ZNF263: variants seen among roughly 807,000 people sequenced by gnomAD.
ZNF263 encodes zinc finger protein 263, also known as zinc finger protein FPM315.
In ZNF263, 49 loss-of-function variants were observed where a neutral mutation model predicts 63.1. That is an observed-to-expected ratio of 0.78 (90% CI 0.62 to 0.99). The LOEUF is 0.99. Among genes scored for constraint, ZNF263 ranks in the 50% least tolerant of loss-of-function variants. The pLI, the probability that ZNF263 is intolerant of heterozygous loss-of-function variation, is 0.00. For synonymous variants in ZNF263, 352 were observed against 324.2 expected (o/e 1.09, Z -0.92); for missense variants, 872 against 854.8 (o/e 1.02, Z -0.25).
intron 1 of ZNF263, among the ~76,000 whole-genome samples, chr16:3,297,024 G>A (rs1959764121): frequency 6.6e-6 from 1 of 152,086 alleles, no homozygotes; most frequent in Non-Finnish European, 1.5e-5. Flanking sequence ...AAATTCACAG[G>A]CCGGGCGCAG....
At chr16:3,292,959 CACTG>C (rs1470029637), downstream of ZNF263, 4 of 152,250 alleles carry the variant, frequency 2.6e-5, no homozygotes, top group Admixed American at 6.5e-5. Flanking sequence ...AAGCATCTAA[CACTG>C]ACTGAGGTCA....
intron 2 of ZNF263, chr16:3,300,008 T>C (rs1341698903): frequency 6.2e-7 from 1 of 1,614,198 alleles, no homozygotes; most frequent in South Asian, 1.1e-5. Context: ...TTTATTTTCT[T>C]CCCTGGTAGG....
downstream of ZNF263, among the ~76,000 whole-genome samples, chr16:3,295,727 G>A (rs962393044): frequency 6.6e-6 from 1 of 152,264 alleles, no homozygotes; most frequent in Non-Finnish European, 1.5e-5. Context: ...GGCAAGAATG[G>A]AGAGGGGACA....
intron 2 of ZNF263, chr16:3,300,691 C>T (rs1184511567): frequency 6.0e-6 from 9 of 1,508,548 alleles, no homozygotes; most frequent in Admixed American, 2.4e-5. Flanking sequence ...AAAAAACCCA[C>T]ATTTTTTAAA....
Position 3,283,751 on chromosome 16 carries a change from A to C in ZNF263, c.-68A>C, listed in dbSNP as rs1261748325. 6 of 1,463,950 alleles carry C rather than the reference A, an allele frequency of 4.1e-6. No homozygotes were observed. Among genetic ancestry groups the C allele is most frequent in the Non-Finnish European group, 5.4e-6 (6 of 1,112,796 alleles). The allele number at this position is 1,463,950 out of a possible 1,614,324, so 90.7% of individuals were successfully genotyped here. A position where few individuals can be genotyped will look rare whatever the true frequency, so the allele number is the denominator to read the frequency against. The stretch of plus-strand genomic sequence containing the variant: ...TCCTGCTGGCGCCGTCCAACCTTAC[A>C]TGGGTTCAGGGCGCCTTCGTAGGCG... On this transcript the variant is annotated 5_prime_UTR_variant, in exon 1 of 6. The change abolishes an upstream ATG in the 5' untranslated region. Coordinates refer to ENST00000219069, the MANE Select transcript of ZNF263 (RefSeq NM_005741.5).
At chr16:3,299,884 G>A in intron 2 of ZNF263, 1 of 1,605,548 alleles carries the variant, frequency 6.2e-7, no homozygotes, top group Non-Finnish European at 8.5e-7. Context: ...CACAGGCAAT[G>A]TACTTGTGTC....
chr16:3,297,702 G>A (rs757838645), intron 1 of ZNF263, among the ~76,000 whole-genome samples: 1 of 151,658 alleles, frequency 6.6e-6, no homozygotes, highest in Non-Finnish European at 1.5e-5. Context: ...CTGACCTCGT[G>A]ATCTGCCCTC....
At chr16:3,296,356 TAG>T (rs1440395655), downstream of ZNF263, among the ~76,000 whole-genome samples, 2 of 152,144 alleles carry the variant, frequency 1.3e-5, no homozygotes, top group African/African-American at 4.8e-5. Flanking sequence ...TAAAAGGAAC[TAG>T]AGAGCTGCCC....
rs1959595634 is a variant in ZNF263 at position 3,291,031 on chromosome 16, GGTT to G, written c.*476_*478del. 3 of 996,158 alleles carry G rather than the reference GGTT, an allele frequency of 3.0e-6. No homozygotes were observed. The South Asian group carries it at 1.3e-4, about 43-fold the overall frequency. 61.7% of individuals were successfully genotyped at this position (996,158 alleles called of 1,614,324 possible). ...ATCAGCTGAAGGTCAACAAAAGACT[GGTT>G]GTGAGTTGCAGCTGTCCCGAAGGCC... On this transcript the variant is annotated 3_prime_UTR_variant, in exon 6 of 6. Coordinates refer to ENST00000219069, the MANE Select transcript of ZNF263 (RefSeq NM_005741.5).
chr16:3,285,559 C>A, intron 2 of ZNF263, 122 bp from the exon 3 acceptor site: 1 of 976,002 alleles, frequency 1.0e-6, no homozygotes, highest in Non-Finnish European at 1.6e-6. Context: ...GGCCTCTGTG[C>A]AGTTTAGCGT....
downstream of ZNF263, chr16:3,291,589 A>T: frequency 3.8e-6 from 3 of 790,232 alleles, no homozygotes; most frequent in Non-Finnish European, 3.1e-6. Flanking sequence ...CTGACAAAGG[A>T]GGCAGCAGAC....
Position 3,291,116 on chromosome 16 carries a change from T to A in ZNF263, c.*558T>A. On this transcript the variant is annotated 3_prime_UTR_variant, in exon 6 of 6. Coordinates refer to ENST00000219069, the MANE Select transcript of ZNF263 (RefSeq NM_005741.5). ...AGCCACCACGTGCCCTACGATGGCC[T>A]AACAGGAGTGCCCATTGGCAGATTA... 1 of 987,492 alleles carries A rather than the reference T, an allele frequency of 1.0e-6. No individual in the cohort carries two copies. The highest frequency in any genetic ancestry group is 1.2e-6 in the Non-Finnish European group (1 of 831,262). The allele number at this position is 987,492 out of a possible 1,614,324, so 61.2% of individuals were successfully genotyped here. A position where few individuals can be genotyped will look rare whatever the true frequency, so the allele number is the denominator to read the frequency against.
chr16:3,290,053 G>A lies in ZNF263; in HGVS notation c.1547G>A (p.Arg516Gln), dbSNP rs772324900. 3 of 1,613,880 alleles carry A rather than the reference G, an allele frequency of 1.9e-6. No homozygotes were observed. The highest frequency in any genetic ancestry group is 2.5e-6 in the Non-Finnish European group (3 of 1,179,984). The change falls in exon 6 of 6, where the codon CGA becomes CAA. Residue 516 changes from arginine to glutamine, a missense_variant. Physicochemically the swap from Arg to Gln is conservative, Grantham distance 43. Coordinates refer to ENST00000219069, the MANE Select transcript of ZNF263 (RefSeq NM_005741.5). ...LRHQRIHTGE[R>Q]PYKCPECGKS... ...CACCAGAGAATTCACACTGGAGAGC[G>A]ACCTTATAAGTGTCCCGAGTGTGGG...
At chr16:3,295,937 C>T (rs1244350589), downstream of ZNF263, among the ~76,000 whole-genome samples, 2 of 152,222 alleles carry the variant, frequency 1.3e-5, no homozygotes, top group Non-Finnish European at 2.9e-5. Flanking sequence ...GTCTTTCCTG[C>T]TCTTCTCCGC....
downstream of ZNF263, chr16:3,291,607 G>A (rs1039771645): frequency 1.3e-5 from 8 of 620,562 alleles, no homozygotes; most frequent in Non-Finnish European, 1.6e-5. Flanking sequence ...GACAGGCAGA[G>A]GCAGGTGAGG....
At chr16:3,285,270 G>A (rs1392672455) in intron 2 of ZNF263, 31 bp downstream of exon 2, 2 of 1,589,988 alleles carry the variant, frequency 1.3e-6, no homozygotes, top group Admixed American at 1.7e-5. Context: ...CAGGTGGGAG[G>A]GAGGAGGGGC....
downstream of ZNF263, among the ~76,000 whole-genome samples, chr16:3,292,592 G>T (rs1036653618): frequency 9.2e-5 from 14 of 152,202 alleles, 1 homozygote; most frequent in South Asian, 6.2e-4. Flanking sequence ...CTCTGGTTAA[G>T]ATGGCAGTTT....
At position 3,291,414 on chromosome 16, in the gene ZNF263, C is replaced by T; in HGVS notation, c.*856C>T. On this transcript the variant is annotated 3_prime_UTR_variant, in exon 6 of 6. Transcript: ENST00000219069. ...GGGAAATTGGGGATTGTGTCTTTCC[C>T]TGTTGAAAATGTTTGGATGGGAATA... 5 of 985,426 alleles carry T rather than the reference C, an allele frequency of 5.1e-6. No individual in the cohort carries two copies. The highest frequency in any genetic ancestry group is 6.0e-6 in the Non-Finnish European group (5 of 829,932). The allele number at this position is 985,426 out of a possible 1,614,324, so 61.0% of individuals were successfully genotyped here.
intron 3 of ZNF263, 71 bp downstream of exon 3, chr16:3,285,825 C>T (rs1158092306): frequency 1.5e-5 from 23 of 1,577,162 alleles, no homozygotes; most frequent in Non-Finnish European, 1.4e-5. Flanking sequence ...GGGGGTTCTC[C>T]ATGTGGAAGG....
Sources: gnomAD v4.1 joint callset for allele counts (sites outside exome capture counted in the v4.1 genomes callset) on GRCh38, gnomAD v4.1.1 for gene constraint, MANE v1.5 for transcripts, NCBI Gene and HGNC (gene_info 2026-07-23, HGNC 2026-07-21) for gene names.